The following OR4C16 variants were observed in gnomAD, a reference collection of about 807,000 sequenced individuals.
OR4C16 encodes the protein olfactory receptor family 4 subfamily C member 16, also known as olfactory receptor 4C16.
Under a neutral mutation model 14.4 loss-of-function variants are expected in OR4C16, and 24 were observed. The observed-to-expected ratio is 1.66, with a 90% CI of 1.21 to 2.34. OR4C16 has a LOEUF of 2.34. OR4C16 is among the 30% of genes most tolerant of loss of function. OR4C16 has a pLI of 0.00. For synonymous variants in OR4C16, 233 were observed against 133.5 expected (o/e 1.75, Z -5.14); for missense variants, 674 against 364.2 (o/e 1.85, Z -6.92).
In OR4C16 at chr11:55,572,852, T is replaced by C. The variant is rs2120026357; in HGVS notation, c.725T>C (p.Ile242Thr). Reference sequence around the variant, plus strand: ...GCACTTTCCACATGTGTCTCCCACATCATTGTGGTCATCTTGTTCTTTGGA... The same window carrying C: ...GCACTTTCCACATGTGTCTCCCACACCATTGTGGTCATCTTGTTCTTTGGA... ...KKALSTCVSHIIVVILFFGPC... is the reference protein window; with the variant it reads ...KKALSTCVSHTIVVILFFGPC... Residue 242 changes from isoleucine (I) to threonine (T), a missense_variant, in exon 1 of 1, where the codon ATC becomes ACC. Ile to Thr is a moderately conservative substitution (Grantham distance 89). Coordinates refer to ENST00000623907, the MANE Select transcript of OR4C16 (RefSeq NM_001004701.2). The C allele has an allele frequency of 6.2e-7, 1 of 1,613,776 alleles. No homozygotes were observed. The highest frequency in any genetic ancestry group is 8.5e-7 in the Non-Finnish European group (1 of 1,179,690).
Position 55,572,537 on chromosome 11 carries a change from G to T in OR4C16, c.410G>T (p.Trp137Leu). The stretch of plus-strand genomic sequence containing the variant: ...CACTACATGACCATCATAAGCCAGT[G>T]GGTCTGTGGTGTTTTGATGGCTGTG... ...PLHYMTIISQ[W>L]VCGVLMAVAW... is the part of the protein sequence containing the mutation. Residue 137 changes from tryptophan (W) to leucine (L), a missense_variant, in exon 1 of 1, where the codon TGG becomes TTG. Coordinates refer to ENST00000623907, the MANE Select transcript of OR4C16 (RefSeq NM_001004701.2). 1.2e-6 allele frequency: 2 copies of T among 1,614,066 alleles called. No individual in the cohort carries two copies. The highest frequency in any genetic ancestry group is 1.7e-6 in the Non-Finnish European group (2 of 1,180,012).
Position 55,572,674 on chromosome 11 carries a change from T to C in OR4C16, c.547T>C (p.Leu183=), listed in dbSNP as rs1315450175. The change falls in exon 1 of 1, where the codon TTG becomes CTG. Residue 183 remains leucine (L), a synonymous_variant. Transcript: ENST00000623907. ...CTGTTTCTGTGACTTGCAGCCCTTG[T>C]TGAAACAAGCCTGTTCAGAAACCTA... ...NHCFCDLQPL[L]KQACSETYVV... The C allele has an allele frequency of 7.4e-6, 12 of 1,614,054 alleles. No individual in the cohort carries two copies. The highest frequency in any genetic ancestry group is 1.0e-5 in the Non-Finnish European group (12 of 1,180,018).
chr11:55,572,909 C>A lies in OR4C16; in HGVS notation c.782C>A (p.Thr261Asn), dbSNP rs1369843000. The A allele has an allele frequency of 1.5e-5, 25 of 1,613,566 alleles. No homozygotes were observed. The highest frequency in any genetic ancestry group is 2.1e-5 in the Non-Finnish European group (25 of 1,179,648). The change falls in exon 1 of 1, where the codon ACC (threonine) becomes AAC (asparagine). Residue 261 changes from threonine to asparagine, a missense_variant. By Grantham distance (65) the Thr-to-Asn change is moderately conservative. Coordinates refer to ENST00000623907, the MANE Select transcript of OR4C16 (RefSeq NM_001004701.2). ...PCIFMYTCLA[T>N]VFPMDKMIAV... ...ATATTTATGTACACATGCCTTGCAA[C>A]CGTATTCCCCATGGATAAGATGATA...
Position 55,572,224 on chromosome 11 carries a change from T to C in OR4C16, c.97T>C (p.Tyr33His), listed in dbSNP as rs1352170298. ...KIVFVIFLRL[Y>H]LGTLLGNLLI... ...AGTGTTTGTTATTTTTTTGCGTCTC[T>C]ACTTGGGAACACTGTTGGGTAATTT... The change falls in exon 1 of 1, where the codon TAC becomes CAC. Residue 33 changes from tyrosine to histidine, a missense_variant. Transcript: ENST00000623907. 6.2e-7 allele frequency: 1 copy of C among 1,611,224 alleles called. No homozygotes were observed. Among genetic ancestry groups the C allele is most frequent in the Non-Finnish European group, 8.5e-7 (1 of 1,177,494 alleles).
Position 55,572,263 on chromosome 11 carries a change from A to G in OR4C16, c.136A>G (p.Ser46Gly). Residue 46 changes from serine to glycine, a missense_variant, in exon 1 of 1, where the codon AGT becomes GGT. Physicochemically the swap from Ser to Gly is moderately conservative, Grantham distance 56. Transcript: ENST00000623907. ...GTTGGGTAATTTGCTAATCATTATT[A>G]GTGTCAAGACCAGCCAGGCACTTAA... Reference protein sequence around the residue: ...TLLGNLLIIISVKTSQALKNP... With the variant: ...TLLGNLLIIIGVKTSQALKNP... The G allele has an allele frequency of 6.2e-7, 1 of 1,612,688 alleles. No individual in the cohort carries two copies. Among genetic ancestry groups the G allele is most frequent in the Non-Finnish European group, 8.5e-7 (1 of 1,178,816 alleles).
Position 55,572,622 on chromosome 11 carries a change from A to G in OR4C16, c.495A>G (p.Pro165=), listed in dbSNP as rs1857400236. 2 of 1,614,098 alleles carry G rather than the reference A, an allele frequency of 1.2e-6. No individual in the cohort carries two copies. Among genetic ancestry groups the G allele is most frequent in the Non-Finnish European group, 1.7e-6 (2 of 1,180,028 alleles). The change falls in exon 1 of 1, where the codon CCA becomes CCG. Residue 165 remains proline, a synonymous_variant. Coordinates refer to ENST00000623907, the MANE Select transcript of OR4C16 (RefSeq NM_001004701.2). ...LVQIFLALSL[P]FCGPNVINHC... Reference sequence around the variant, plus strand: ...AGATTTTTCTTGCCCTGAGTTTGCCATTCTGTGGCCCCAATGTGATCAATC... The same window carrying G: ...AGATTTTTCTTGCCCTGAGTTTGCCGTTCTGTGGCCCCAATGTGATCAATC...
Position 55,572,959 on chromosome 11 carries a change from T to A in OR4C16, c.832T>A (p.Ser278Thr). 4 of 1,613,610 alleles carry A rather than the reference T, an allele frequency of 2.5e-6. No homozygotes were observed. Among genetic ancestry groups the A allele is most frequent in the Non-Finnish European group, 3.4e-6 (4 of 1,179,628 alleles). The change falls in exon 1 of 1, where the codon TCT becomes ACT. Residue 278 changes from serine to threonine, a missense_variant. Ser to Thr is a moderately conservative substitution (Grantham distance 58, BLOSUM62 1). Coordinates refer to ENST00000623907, the MANE Select transcript of OR4C16 (RefSeq NM_001004701.2). The part of the protein sequence containing the change: ...MIAVFYTVGT[S>T]FLNPVIYTLK... Reference sequence around the variant, plus strand: ...AGCTGTATTTTATACAGTTGGAACATCTTTTCTCAACCCTGTGATTTACAC... The same window carrying A: ...AGCTGTATTTTATACAGTTGGAACAACTTTTCTCAACCCTGTGATTTACAC...
In OR4C16 at chr11:55,572,500, T is replaced by C. The variant is rs145162116; in HGVS notation, c.373T>C (p.Cys125Arg). Residue 125 changes from cysteine to arginine, a missense_variant, in exon 1 of 1, where the codon TGT becomes CGT. By Grantham distance (180) the Cys-to-Arg change is radical (BLOSUM62 -3). Coordinates refer to ENST00000623907, the MANE Select transcript of OR4C16 (RefSeq NM_001004701.2). The part of the protein sequence containing the change: ...LTAVDRYVDI[C>R]KPLHYMTIIS... ...GGCTGTTGACCGCTATGTGGACATC[T>C]GTAAGCCCCTGCACTACATGACCAT... 1.9e-6 allele frequency: 3 copies of C among 1,614,042 alleles called. No homozygotes were observed. Among genetic ancestry groups the C allele is most frequent in the African/African-American group, 2.7e-5 (2 of 74,940 alleles).
At position 55,573,057 on chromosome 11, in the gene OR4C16, A is replaced by T. The variant is rs1392548058; in HGVS notation, c.930A>T (p.Arg310Ser). Residue 310 changes from arginine (R) to serine (S), a missense_variant, in exon 1 of 1, where the codon AGA (arginine) becomes AGT (serine). By Grantham distance (110) the Arg-to-Ser change is moderately radical. Coordinates refer to ENST00000623907, the MANE Select transcript of OR4C16 (RefSeq NM_001004701.2). ...AGAAATTGATCACAGATGACAAAAG[A>T]TAAATGAAGGTTTCAAATCCTTCTT... is the stretch of plus-strand genomic sequence containing the variant. ...WSKKLITDDK[R>S] is the part of the protein sequence containing the mutation. 6.5e-7 allele frequency: 1 copy of T among 1,530,722 alleles called. No homozygotes were observed. Among genetic ancestry groups the T allele is most frequent in the East Asian group, 2.3e-5 (1 of 43,934 alleles). The allele number at this position is 1,530,722 out of a possible 1,614,324, so 94.8% of individuals were successfully genotyped here.
At position 55,572,947 on chromosome 11, in the gene OR4C16, A is replaced by G. The variant is rs1052261394; in HGVS notation, c.820A>G (p.Thr274Ala). ...GGATAAGATGATAGCTGTATTTTAT[A>G]CAGTTGGAACATCTTTTCTCAACCC... ...PMDKMIAVFY[T>A]VGTSFLNPVI... The change falls in exon 1 of 1, where the codon ACA (threonine) becomes GCA (alanine). Residue 274 changes from threonine (T) to alanine (A), a missense_variant. By Grantham distance (58) the Thr-to-Ala change is moderately conservative (BLOSUM62 0). Transcript: ENST00000623907. 5 of 1,613,240 alleles carry G rather than the reference A, an allele frequency of 3.1e-6. No homozygotes were observed. The highest frequency in any genetic ancestry group is 2.7e-5 in the African/African-American group (2 of 74,918).
chr11:55,572,318 T>G lies in OR4C16; in HGVS notation c.191T>G (p.Leu64Ter). ...CCAATGTTCTTCTTCCTTTTCTACT[T>G]ATCCTTATCTGATACTTGCCTCTCT... ...KNPMFFFLFY[L>*]SLSDTCLSTS... is the part of the protein sequence containing the mutation. The change falls in exon 1 of 1, where the codon TTA becomes TGA. Residue 64 changes from leucine (L) to a stop codon, truncating the protein, a stop_gained. Transcript: ENST00000623907. LOFTEE classifies it high-confidence loss of function. 1 of 1,613,464 alleles carries G rather than the reference T, an allele frequency of 6.2e-7. No homozygotes were observed. The highest frequency in any genetic ancestry group is 8.5e-7 in the Non-Finnish European group (1 of 1,179,456).
rs371509327 is a variant in OR4C16, at chr11:55,572,898, A to C, written c.771A>C (p.Thr257=). Residue 257 remains threonine, a synonymous_variant, in exon 1 of 1, where the codon ACA becomes ACC. Coordinates refer to ENST00000623907, the MANE Select transcript of OR4C16 (RefSeq NM_001004701.2). ...TTGGACCTTGCATATTTATGTACAC[A>C]TGCCTTGCAACCGTATTCCCCATGG... ...LFFGPCIFMY[T]CLATVFPMDK... 5 of 1,613,914 alleles carry C rather than the reference A, an allele frequency of 3.1e-6. No homozygotes were observed. In the African/African-American group the frequency reaches 6.7e-5, roughly 22 times the overall value.
Position 55,572,944 on chromosome 11 carries a change from T to C in OR4C16, c.817T>C (p.Tyr273His), listed in dbSNP as rs1448015811. 1 of 1,612,218 alleles carries C rather than the reference T, an allele frequency of 6.2e-7. No homozygotes were observed. Among genetic ancestry groups the C allele is most frequent in the Non-Finnish European group, 8.5e-7 (1 of 1,178,410 alleles). ...CATGGATAAGATGATAGCTGTATTT[T>C]ATACAGTTGGAACATCTTTTCTCAA... is the stretch of plus-strand genomic sequence containing the variant. ...FPMDKMIAVF[Y>H]TVGTSFLNPV... is the part of the protein sequence containing the mutation. The change falls in exon 1 of 1, where the codon TAT becomes CAT. Residue 273 changes from tyrosine to histidine, a missense_variant. Coordinates refer to ENST00000623907, the MANE Select transcript of OR4C16 (RefSeq NM_001004701.2).
At position 55,572,251 on chromosome 11, in the gene OR4C16, C is replaced by T. The variant is rs755754629; in HGVS notation, c.124C>T (p.Leu42=). 3.3e-5 allele frequency: 54 copies of T among 1,611,988 alleles called. No individual in the cohort carries two copies. The highest frequency in any genetic ancestry group is 2.5e-4 in the South Asian group (23 of 91,010). ...LYLGTLLGNL[L]IIISVKTSQA... The stretch of plus-strand genomic sequence containing the variant: ...CTTGGGAACACTGTTGGGTAATTTG[C>T]TAATCATTATTAGTGTCAAGACCAG... Residue 42 remains leucine (L), a synonymous_variant, in exon 1 of 1, where the codon CTA becomes TTA. Transcript: ENST00000623907.
chr11:55,572,953 G>A lies in OR4C16; in HGVS notation c.826G>A (p.Gly276Arg), dbSNP rs779875346. ...DKMIAVFYTVGTSFLNPVIYT... is the reference protein window; with the variant it reads ...DKMIAVFYTVRTSFLNPVIYT... ...GATGATAGCTGTATTTTATACAGTT[G>A]GAACATCTTTTCTCAACCCTGTGAT... Residue 276 changes from glycine (G) to arginine (R), a missense_variant, in exon 1 of 1, where the codon GGA becomes AGA. Transcript: ENST00000623907. 5.0e-6 allele frequency: 8 copies of A among 1,612,690 alleles called. No individual in the cohort carries two copies. The South Asian group carries it at 6.6e-5, about 13-fold the overall frequency.
rs1565052284 is a variant in OR4C16 at position 55,572,483 on chromosome 11, A to G, written c.356A>G (p.Asp119Gly). 1 of 1,613,988 alleles carries G rather than the reference A, an allele frequency of 6.2e-7. No homozygotes were observed. The highest frequency in any genetic ancestry group is 8.5e-7 in the Non-Finnish European group (1 of 1,179,980). ...TTCATCCTCATCCTCACGGCTGTTG[A>G]CCGCTATGTGGACATCTGTAAGCCC... is the stretch of plus-strand genomic sequence containing the variant. ...EIFILILTAV[D>G]RYVDICKPLH... The change falls in exon 1 of 1, where the codon GAC (aspartate) becomes GGC (glycine). Residue 119 changes from aspartate to glycine, a missense_variant. By Grantham distance (94) the Asp-to-Gly change is moderately conservative (BLOSUM62 -1). Coordinates refer to ENST00000623907, the MANE Select transcript of OR4C16 (RefSeq NM_001004701.2).
Position 55,572,346 on chromosome 11 carries a change from T to A in OR4C16, c.219T>A (p.Thr73=). The change falls in exon 1 of 1, where the codon ACT becomes ACA. Residue 73 remains threonine (T), a synonymous_variant. Transcript: ENST00000623907. ...YLSLSDTCLS[T]SITPRMIVDA... ...CCTTATCTGATACTTGCCTCTCTACTTCCATAACCCCTAGAATGATTGTGG... is the reference window on the plus strand; with the variant it reads ...CCTTATCTGATACTTGCCTCTCTACATCCATAACCCCTAGAATGATTGTGG... 6.2e-7 allele frequency: 1 copy of A among 1,613,354 alleles called. No homozygotes were observed. The highest frequency in any genetic ancestry group is 1.1e-5 in the South Asian group (1 of 91,052).
At position 55,572,629 on chromosome 11, in the gene OR4C16, G is replaced by A. The variant is rs1857400370; in HGVS notation, c.502G>A (p.Gly168Ser). The A allele has an allele frequency of 6.2e-7, 1 of 1,614,066 alleles. No homozygotes were observed. Residue 168 changes from glycine (G) to serine (S), a missense_variant, in exon 1 of 1, where the codon GGC becomes AGC. Physicochemically the swap from Gly to Ser is moderately conservative, Grantham distance 56 (BLOSUM62 0). Coordinates refer to ENST00000623907, the MANE Select transcript of OR4C16 (RefSeq NM_001004701.2). The part of the protein sequence containing the change: ...IFLALSLPFC[G>S]PNVINHCFCD... ...TCTTGCCCTGAGTTTGCCATTCTGT[G>A]GCCCCAATGTGATCAATCACTGTTT... is the stretch of plus-strand genomic sequence containing the variant.
Position 55,572,231 on chromosome 11 carries a change from G to GAAC in OR4C16, c.106_108dup (p.Thr36dup). The GAAC allele has an allele frequency of 1.2e-6, 2 of 1,610,962 alleles. No homozygotes were observed. The highest frequency in any genetic ancestry group is 1.7e-6 in the Non-Finnish European group (2 of 1,177,376). On this transcript the variant is annotated inframe_insertion, in exon 1 of 1. Transcript: ENST00000623907. ...GTTATTTTTTTGCGTCTCTACTTGG[G>GAAC]AACACTGTTGGGTAATTTGCTAATC...
Sources: allele counts gnomAD v4.1 joint callset, GRCh38; gene constraint gnomAD v4.1.1; transcripts MANE v1.5; gene names NCBI Gene and HGNC (gene_info 2026-07-23, HGNC 2026-07-21).